Variants in ADCY8 observed in about 807,000 individuals in gnomAD.
ADCY8 encodes adenylate cyclase 8, also known as adenylate cyclase type 8.
Under a neutral mutation model 119.7 loss-of-function variants are expected in ADCY8, and 51 were observed. The observed-to-expected ratio is 0.43, with a 90% CI of 0.34 to 0.54. ADCY8 has a LOEUF of 0.54. Ranked by LOEUF, ADCY8 falls within the 20% of genes least tolerant of loss-of-function variation. The pLI is 0.03. For missense variants in ADCY8, 1,383 were observed against 1,598.8 expected (o/e 0.87, Z 2.30); for synonymous variants, 665 against 651.0 (o/e 1.02, Z -0.33).
At chr8:130,961,401 T>A (rs1186259221) in intron 2 of ADCY8, among the ~76,000 whole-genome samples, 2 of 151,720 alleles carry the variant, frequency 1.3e-5, no homozygotes, top group African/African-American at 4.8e-5. Flanking sequence ...TGAGCTACTG[T>A]CTAATCACTT....
rs781392368 is a variant in ADCY8 at position 130,974,473 on chromosome 8, T to C, written c.1110+15920A>G. Among the ~76,000 whole-genome samples, 15 of 152,324 alleles carry C rather than the reference T, an allele frequency of 9.8e-5. No individual in the cohort carries two copies. The Middle Eastern group carries it at 0.024, about 242-fold the overall frequency. ...TTTGTGAGCTTGAAATCAAATTTAG[T>C]GGATCATACCCAGCAGGCAAAAATG... On this transcript the variant is annotated intron_variant, in intron 2 of 17. Transcript: ENST00000286355.
intron 15 of ADCY8, 134 bp downstream of exon 15, chr8:130,800,292 T>C (rs1815731330): frequency 1.0e-6 from 1 of 964,286 alleles, no homozygotes; most frequent in South Asian, 1.5e-5. Context: ...AGATAATACA[T>C]GTTTGTGTTT....
chr8:130,941,617 C>T (rs569887861), intron 4 of ADCY8, among the ~76,000 whole-genome samples: 3 of 152,232 alleles, frequency 2.0e-5, no homozygotes, highest in South Asian at 4.1e-4. Context: ...TAAAACCAAC[C>T]CTCCTATTAG....
rs141735019 is a variant in ADCY8 at position 130,886,432 on chromosome 8, G to A, written c.1912-1671C>T. Among the ~76,000 whole-genome samples, 161 of 152,190 alleles carry A rather than the reference G, an allele frequency of 1.1e-3. 1 individual carries two copies. The highest frequency in any genetic ancestry group is 3.7e-3 in the African/African-American group (152 of 41,556). On this transcript the variant is annotated intron_variant, in intron 7 of 17. Transcript: ENST00000286355. ...GAGAATTGAAAAGCAGGATACATGC[G>A]GGGCCAGAGAGTTTAGTCCCTGGAA...
In ADCY8 at chr8:130,903,896, G is replaced by T. The variant is rs1403832301; in HGVS notation, c.1787C>A (p.Ser596Tyr). The T allele has an allele frequency of 6.2e-7, 1 of 1,614,024 alleles. No individual in the cohort carries two copies. The highest frequency in any genetic ancestry group is 8.5e-7 in the Non-Finnish European group (1 of 1,180,032). ...LIKQPEDSLL[S>Y]LPEDIVKESV... ...CTCCTTGACGATATCTTCAGGCAAG[G>T]ACAGCAGACTGTCCTCAGGCTGCTT... The change falls in exon 7 of 18, where the codon TCC becomes TAC. Residue 596 changes from serine to tyrosine, a missense_variant. By Grantham distance (144) the Ser-to-Tyr change is moderately radical. Transcript: ENST00000286355.
chr8:130,822,611 A>G (rs1379183239), intron 12 of ADCY8, among the ~76,000 whole-genome samples: 1 of 149,840 alleles, frequency 6.7e-6, no homozygotes, highest in Non-Finnish European at 1.5e-5. Flanking sequence ...GCCATCCACC[A>G]TCACCATCAG....
At chr8:130,985,166 TGCCAAG>T (rs1822362997) in intron 2 of ADCY8, among the ~76,000 whole-genome samples, 1 of 152,048 alleles carries the variant, frequency 6.6e-6, no homozygotes, top group Non-Finnish European at 1.5e-5. Flanking sequence ...GACTCAGCAA[TGCCAAG>T]TGCTGTGAAA....
intron 1 of ADCY8, among the ~76,000 whole-genome samples, chr8:131,028,542 T>C (rs1055234999): frequency 2.5e-4 from 38 of 150,312 alleles, no homozygotes; most frequent in Admixed American, 2.5e-3. Flanking sequence ...CTTGAACTAA[T>C]TAGCAGAAAA....
intron 5 of ADCY8, among the ~76,000 whole-genome samples, chr8:130,926,601 A>C (rs934541911): frequency 2.6e-5 from 4 of 152,200 alleles, no homozygotes; most frequent in Admixed American, 2.6e-4. Context: ...GTGAGAACAC[A>C]TGACATCCAG....
chr8:130,889,790 G>A (rs1819119022), intron 7 of ADCY8, among the ~76,000 whole-genome samples: 1 of 152,102 alleles, frequency 6.6e-6, no homozygotes, highest in Non-Finnish European at 1.5e-5. Context: ...ACCTTGTGGT[G>A]GAACATGGAC....
At chr8:130,889,325 C>A (rs1400019894) in intron 7 of ADCY8, among the ~76,000 whole-genome samples, 4 of 152,110 alleles carry the variant, frequency 2.6e-5, no homozygotes, top group Non-Finnish European at 5.9e-5. Flanking sequence ...TTTGTAACCA[C>A]AATAAATGTG....
At chr8:130,893,122 T>C (rs184347207) in intron 7 of ADCY8, among the ~76,000 whole-genome samples, 7 of 152,298 alleles carry the variant, frequency 4.6e-5, no homozygotes, top group Admixed American at 4.6e-4. Flanking sequence ...TTCTGCAGAA[T>C]TGGCGGAAAC....
chr8:130,937,245 G>T, intron 4 of ADCY8, 45 bp from the exon 5 acceptor site: 4 of 1,585,004 alleles, frequency 2.5e-6, no homozygotes, highest in Non-Finnish European at 3.4e-6. Flanking sequence ...TCAGCAGAAG[G>T]ATCAGTTCTT....
At chr8:131,028,982 GT>G (rs1823908937) in intron 1 of ADCY8, among the ~76,000 whole-genome samples, 1 of 152,166 alleles carries the variant, frequency 6.6e-6, no homozygotes, top group Admixed American at 6.5e-5. Context: ...TGCACAGCAG[GT>G]TGTGGGTTGC....
chr8:130,808,457 C>T (rs1293015324), intron 14 of ADCY8, among the ~76,000 whole-genome samples: 2 of 152,110 alleles, frequency 1.3e-5, no homozygotes, highest in African/African-American at 4.8e-5. Flanking sequence ...GGCTTGATAA[C>T]GCATGTAAAT....
At chr8:130,785,291 G>A (rs1815215060) in intron 16 of ADCY8, 92 bp downstream of exon 16, 1 of 814,326 alleles carries the variant, frequency 1.2e-6, no homozygotes, top group Non-Finnish European at 1.9e-6. Context: ...CTTTCCCCAA[G>A]GATCTTGGTG....
intron 7 of ADCY8, among the ~76,000 whole-genome samples, chr8:130,903,092 G>C (rs1290757227): frequency 6.6e-6 from 1 of 152,052 alleles, no homozygotes; most frequent in Non-Finnish European, 1.5e-5. Context: ...CTTGGAGTCT[G>C]AGCATCTCAT....
chr8:130,951,624 G>A (rs1258594631), intron 3 of ADCY8, among the ~76,000 whole-genome samples: 4 of 152,116 alleles, frequency 2.6e-5, no homozygotes, highest in Non-Finnish European at 4.4e-5. Flanking sequence ...AGACAGACAC[G>A]CCTACTGTAG....
At chr8:130,828,303 C>T (rs556805128) in intron 12 of ADCY8, among the ~76,000 whole-genome samples, 4 of 152,288 alleles carry the variant, frequency 2.6e-5, no homozygotes, top group East Asian at 1.9e-4. Context: ...CAAGGGAAGG[C>T]GTACTTGTGA....
Sources: gnomAD v4.1 joint callset for allele counts (sites outside exome capture counted in the v4.1 genomes callset) on GRCh38, gnomAD v4.1.1 for gene constraint, MANE v1.5 for transcripts, NCBI Gene and HGNC (gene_info 2026-07-23, HGNC 2026-07-21) for gene names.